HEATR5A: variants seen among roughly 807,000 people sequenced by gnomAD.
HEATR5A encodes HEAT repeat-containing protein 5A.
A neutral mutation model predicts 218.8 loss-of-function variants in HEATR5A; 178 were observed. The ratio of observed to expected loss-of-function variants is 0.81; its 90% CI spans 0.72 to 0.92. HEATR5A has a LOEUF of 0.92. HEATR5A is among the 40% of genes least tolerant of loss of function. The pLI is 0.00. For synonymous variants in HEATR5A, 864 were observed against 871.6 expected (o/e 0.99, Z 0.15); for missense variants, 2,420 against 2,418.9 (o/e 1.00, Z -0.01).
At chr14:31,314,713 T>C (rs985251977) in intron 27 of HEATR5A, among the ~76,000 whole-genome samples, 1 of 152,144 alleles carries the variant, frequency 6.6e-6, no homozygotes, top group African/African-American at 2.4e-5. Context: ...ACCCAGTTTA[T>C]TGAATCTAGG....
intron 6 of HEATR5A, among the ~76,000 whole-genome samples, chr14:31,391,793 T>C (rs73259367): frequency 6.8e-4 from 103 of 152,310 alleles, no homozygotes; most frequent in African/African-American, 2.4e-3. Flanking sequence ...ACAAATACCA[T>C]TGTATTACAG....
intron 7 of HEATR5A, 30 bp downstream of exon 7, chr14:31,388,815 T>C (rs764995956): frequency 1.6e-5 from 25 of 1,587,640 alleles, no homozygotes; most frequent in African/African-American, 6.7e-5. Context: ...CAGTAAGAGT[T>C]AGACTGAGAT....
At chr14:31,414,676 C>A (rs2139329029) in intron 1 of HEATR5A, among the ~76,000 whole-genome samples, 1 of 152,216 alleles carries the variant, frequency 6.6e-6, no homozygotes, top group East Asian at 1.9e-4. Context: ...CTAGGACTTC[C>A]AAGTTTAGGC....
chr14:31,344,314 G>A (rs566763450), intron 20 of HEATR5A, among the ~76,000 whole-genome samples: 4 of 110,322 alleles, frequency 3.6e-5, no homozygotes, highest in Admixed American at 1.4e-4. Flanking sequence ...GTCTCAGTCC[G>A]TTGCCCAGGC....
intron 1 of HEATR5A, among the ~76,000 whole-genome samples, chr14:31,408,660 T>C (rs1024758738): frequency 1.3e-5 from 2 of 152,048 alleles, no homozygotes; most frequent in Non-Finnish European, 2.9e-5. Flanking sequence ...GTGTATGTAC[T>C]AATGTCTGTA....
At chr14:31,386,030 A>T (rs1396696490) in intron 9 of HEATR5A, among the ~76,000 whole-genome samples, 1 of 152,180 alleles carries the variant, frequency 6.6e-6, no homozygotes. Flanking sequence ...CCTAGCCATG[A>T]ATTATATCTG....
intron 1 of HEATR5A, among the ~76,000 whole-genome samples, chr14:31,419,583 A>G (rs1014275855): frequency 6.6e-6 from 1 of 152,226 alleles, no homozygotes; most frequent in Non-Finnish European, 1.5e-5. Flanking sequence ...TAGCCCCAAA[A>G]AAGTGCTGCA....
At chr14:31,295,191 T>C (rs1899139340) in intron 34 of HEATR5A, among the ~76,000 whole-genome samples, 1 of 152,120 alleles carries the variant, frequency 6.6e-6, no homozygotes, top group Non-Finnish European at 1.5e-5. Flanking sequence ...TAAATTTGTG[T>C]GTATTGCTTT....
intron 13 of HEATR5A, among the ~76,000 whole-genome samples, chr14:31,366,919 T>G (rs940438018): frequency 6.6e-6 from 1 of 152,200 alleles, no homozygotes; most frequent in Non-Finnish European, 1.5e-5. Flanking sequence ...ACTCTCTTAA[T>G]CTGATAGAGT....
chr14:31,354,199 A>G (rs1489824629), intron 16 of HEATR5A, among the ~76,000 whole-genome samples: 1 of 152,090 alleles, frequency 6.6e-6, no homozygotes, highest in Non-Finnish European at 1.5e-5. Context: ...GAATAACTGT[A>G]TGATCAAGCT....
rs1381005426 is a variant in HEATR5A at position 31,391,007 on chromosome 14, T to C, written c.773-2002A>G. ...GATACTAAGGTGAAAGACAGTGAGA[T>C]TGATGGTTCTGACTCTGTGTAGGCC... On this transcript the variant is annotated intron_variant, in intron 6 of 35. Coordinates refer to ENST00000543095, the MANE Select transcript of HEATR5A (RefSeq NM_015473.4). Among the ~76,000 whole-genome samples, 3 of 152,148 alleles carry C rather than the reference T, an allele frequency of 2.0e-5. No individual in the cohort carries two copies. In the East Asian group the frequency reaches 5.8e-4, roughly 29 times the overall value.
Position 31,343,889 on chromosome 14 carries a change from T to C in HEATR5A, c.3228+7A>G. The C allele has an allele frequency of 6.3e-7, 1 of 1,575,266 alleles. No homozygotes were observed. On this transcript the variant is annotated splice_region_variant and intron_variant, in intron 21 of 35. Transcript: ENST00000543095. Reference sequence around the variant, plus strand: ...AACTAAGAGCTCGTTTACAATTCTATACTCACACAGAGGCAGCTAACCAGG... The same window carrying C: ...AACTAAGAGCTCGTTTACAATTCTACACTCACACAGAGGCAGCTAACCAGG...
intron 2 of HEATR5A, 131 bp from the exon 3 acceptor site, chr14:31,400,643 AG>A (rs1468378023): frequency 6.3e-6 from 4 of 634,466 alleles, no homozygotes; most frequent in African/African-American, 3.7e-5. Context: ...TTTGACTGGA[AG>A]TTACAAATAA....
chr14:31,330,944 T>A, intron 22 of HEATR5A, among the ~76,000 whole-genome samples: 2 of 139,194 alleles, frequency 1.4e-5, no homozygotes, highest in South Asian at 2.5e-4. Flanking sequence ...CCTCACCTTT[T>A]TTTTTTTTTT....
chr14:31,382,142 TG>T (rs2030016545), intron 10 of HEATR5A, among the ~76,000 whole-genome samples: 1 of 152,230 alleles, frequency 6.6e-6, no homozygotes, highest in South Asian at 2.1e-4. Context: ...AATATGGGAA[TG>T]GGAACCTTGT....
intron 2 of HEATR5A, among the ~76,000 whole-genome samples, chr14:31,401,124 C>T (rs926447804): frequency 1.2e-4 from 19 of 152,112 alleles, no homozygotes; most frequent in Admixed American, 1.2e-3. Context: ...CAGGCGTTAG[C>T]CACCGCGTAT....
chr14:31,295,401 C>T (rs74538805), intron 34 of HEATR5A: 4,999 of 152,444 alleles, frequency 0.033, 244 homozygotes, highest in African/African-American at 0.11. Context: ...CCTGCTCCCC[C>T]ACACCAGGTT....
At chr14:31,359,516 CAGGAGTT>C (rs1901545529) in intron 14 of HEATR5A, among the ~76,000 whole-genome samples, 1 of 151,554 alleles carries the variant, frequency 6.6e-6, no homozygotes, top group Non-Finnish European at 1.5e-5. Context: ...CACTTGAGGT[CAGGAGTT>C]CAAGACCAGC....
chr14:31,347,483 G>A (rs1818579292), intron 19 of HEATR5A, among the ~76,000 whole-genome samples: 1 of 152,148 alleles, frequency 6.6e-6, no homozygotes, highest in African/African-American at 2.4e-5. Flanking sequence ...AAGTGTGAGA[G>A]TATGTGCGTG....
Sources: gnomAD v4.1 joint callset for allele counts (sites outside exome capture counted in the v4.1 genomes callset) on GRCh38, gnomAD v4.1.1 for gene constraint, MANE v1.5 for transcripts, NCBI Gene and HGNC (gene_info 2026-07-23, HGNC 2026-07-21) for gene names.